Variants in MYH4 observed in about 807,000 individuals in gnomAD.
The protein encoded by MYH4 is myosin heavy chain 4.
In MYH4, 200 loss-of-function variants were observed where a neutral mutation model predicts 229.9. That is an observed-to-expected ratio of 0.87 (90% CI 0.78 to 0.98). The LOEUF is 0.98. Among genes scored for constraint, MYH4 ranks in the 50% least tolerant of loss-of-function variants. The pLI is 0.00. For synonymous variants in MYH4, 761 were observed against 834.6 expected, an observed-to-expected ratio of 0.91 and a Z score of 1.52; for missense variants, 2,148 against 2,332.6, an observed-to-expected ratio of 0.92 and a Z score of 1.63.
Position 10,463,563 on chromosome 17 carries a change from G to A in MYH4, c.729C>T (p.Asn243=), listed in dbSNP as rs1431150257. ...FGNAKTVRND[N]SSRFGKFIRI... ...TCAAGAGACTTACAAAGCGAGAGGA[G>A]TTGTCATTCCTCACGGTCTTGGCAT... Residue 243 remains asparagine (N), a synonymous_variant, in exon 8 of 40, where the codon AAC becomes AAT. Transcript: ENST00000255381. 1 of 1,612,246 alleles carries A rather than the reference G, an allele frequency of 6.2e-7. No homozygotes were observed. Among genetic ancestry groups the A allele is most frequent in the Non-Finnish European group, 8.5e-7 (1 of 1,178,386 alleles).
chr17:10,455,385 G>A, intron 19 of MYH4, 90 bp from the exon 20 acceptor site: 2 of 1,445,068 alleles, frequency 1.4e-6, no homozygotes, highest in Non-Finnish European at 1.9e-6. Flanking sequence ...AAAGATGATA[G>A]ATTAAGTTTT....
chr17:10,452,253 G>T lies in MYH4; in HGVS notation c.3426C>A (p.Asp1142Glu). 6.2e-7 allele frequency: 1 copy of T among 1,613,976 alleles called. No homozygotes were observed. The highest frequency in any genetic ancestry group is 8.5e-7 in the Non-Finnish European group (1 of 1,180,016). Residue 1142 changes from aspartate to glutamate, a missense_variant, in exon 27 of 40, where the codon GAC becomes GAA. By Grantham distance (45) the Asp-to-Glu change is conservative (BLOSUM62 2). Transcript: ENST00000255381. ...SRAKAEKQRS[D>E]LSRELEEISE... ...TGATCTCCTCCAGCTCCCGGGAGAG[G>T]TCAGAGCGCTGCTTCTCTGCTTTGG... is the stretch of plus-strand genomic sequence containing the variant.
At chr17:10,465,165 A>G (rs1326453189) in intron 5 of MYH4, among the ~76,000 whole-genome samples, 1 of 152,214 alleles carries the variant, frequency 6.6e-6, no homozygotes, top group Non-Finnish European at 1.5e-5. Flanking sequence ...ATTAATTTTG[A>G]GGTGGAACTA....
rs373674292 is a variant in MYH4 at position 10,455,292 on chromosome 17, G to A, written c.2178C>T (p.Tyr726=). 11 of 1,609,672 alleles carry A rather than the reference G, an allele frequency of 6.8e-6. No homozygotes were observed. Among genetic ancestry groups the A allele is most frequent in the African/African-American group, 2.7e-5 (2 of 74,672 alleles). ...RILYADFKQR[Y]KVLNASAIPE... ...GGATAGCACTCGCATTTAGAACCTTGTATCTGTCAGAATAAAAAGAATATA... is the reference window on the plus strand; with the variant it reads ...GGATAGCACTCGCATTTAGAACCTTATATCTGTCAGAATAAAAAGAATATA... Residue 726 remains tyrosine (Y), a synonymous_variant, in exon 20 of 40, where the codon TAC becomes TAT. Transcript: ENST00000255381.
rs762544070 is a variant in MYH4 at position 10,463,547 on chromosome 17, T to C, written c.741+4A>G. On this transcript the variant is annotated splice_donor_region_variant and intron_variant, in intron 8 of 39. Coordinates refer to ENST00000255381, the MANE Select transcript of MYH4 (RefSeq NM_017533.2). ...CTCAAGAAAATGAAGATCAAGAGAC[T>C]TACAAAGCGAGAGGAGTTGTCATTC... 1 of 1,610,372 alleles carries C rather than the reference T, an allele frequency of 6.2e-7. No homozygotes were observed. Among genetic ancestry groups the C allele is most frequent in the Non-Finnish European group, 8.5e-7 (1 of 1,176,592 alleles).
chr17:10,464,801 C>A, intron 5 of MYH4, 93 bp from the exon 6 acceptor site: 1 of 1,271,446 alleles, frequency 7.9e-7, no homozygotes, highest in Non-Finnish European at 1.1e-6. Flanking sequence ...TCTTTTAAAA[C>A]TCCCCATTTG....
chr17:10,457,864 A>T, intron 15 of MYH4, 135 bp from the exon 16 acceptor site: 3 of 1,229,246 alleles, frequency 2.4e-6, no homozygotes, highest in South Asian at 1.6e-5. Flanking sequence ...TGACATGTGA[A>T]GCAGTCATTA....
chr17:10,451,910 A>G (rs1567700434), intron 27 of MYH4, 31 bp downstream of exon 27: 1 of 1,555,116 alleles, frequency 6.4e-7, no homozygotes, highest in Non-Finnish European at 8.7e-7. Flanking sequence ...TGTTGCAAAT[A>G]AAGATGAAAA....
rs756400565 is a variant in MYH4 at position 10,463,428 on chromosome 17, A to G, written c.742-27T>C. The G allele has an allele frequency of 4.4e-6, 7 of 1,601,570 alleles. No individual in the cohort carries two copies. The African/African-American group carries it at 5.4e-5, about 12-fold the overall frequency. The stretch of plus-strand genomic sequence containing the variant: ...TTAAAAAAGAAAAGGAGGGATTATT[A>G]TACACATTAAAATCAGAAACTATTT... On this transcript the variant is annotated intron_variant, in intron 8 of 39. Coordinates refer to ENST00000255381, the MANE Select transcript of MYH4 (RefSeq NM_017533.2).
At position 10,448,046 on chromosome 17, in the gene MYH4, T is replaced by A; in HGVS notation, c.4737A>T (p.Lys1579Asn). Residue 1579 changes from lysine (K) to asparagine (N), a missense_variant, in exon 34 of 40, where the codon AAA (lysine) becomes AAT (asparagine). Physicochemically the swap from Lys to Asn is moderately conservative, Grantham distance 94. Transcript: ENST00000255381. ...LNQVKSEIDRKIAEKDEELDQ... is the reference protein window; with the variant it reads ...LNQVKSEIDRNIAEKDEELDQ... Reference sequence around the variant, plus strand: ...CGAGTTCTTCATCTTTTTCAGCAATTTTTCGGTCAATCTCAGATTTCACCT... The same window carrying A: ...CGAGTTCTTCATCTTTTTCAGCAATATTTCGGTCAATCTCAGATTTCACCT... The A allele has an allele frequency of 6.2e-7, 1 of 1,614,058 alleles. No individual in the cohort carries two copies. Among genetic ancestry groups the A allele is most frequent in the South Asian group, 1.1e-5 (1 of 91,072 alleles).
chr17:10,449,577 A>T (rs79156101), intron 30 of MYH4, among the ~76,000 whole-genome samples: 97 of 152,358 alleles, frequency 6.4e-4, no homozygotes, highest in African/African-American at 2.2e-3. Flanking sequence ...AGCATTGAGT[A>T]GTATCTTTAA....
At chr17:10,445,476 A>G in intron 35 of MYH4, 114 bp from the exon 36 acceptor site, 2 of 1,370,618 alleles carry the variant, frequency 1.5e-6, no homozygotes, top group Non-Finnish European at 2.0e-6. Context: ...TGTTTAGAAT[A>G]AAAACCAAAT....
chr17:10,468,805 G>T (rs901245229), intron 2 of MYH4, among the ~76,000 whole-genome samples: 1 of 152,208 alleles, frequency 6.6e-6, no homozygotes. Context: ...TGGGTGATAA[G>T]TGGCGGTACT....
chr17:10,464,467 C>A lies in MYH4; in HGVS notation c.648+5G>T. 6.2e-7 allele frequency: 1 copy of A among 1,609,006 alleles called. No homozygotes were observed. On this transcript the variant is annotated splice_donor_5th_base_variant and intron_variant, in intron 7 of 39. Transcript: ENST00000255381. ...ATTCTGTCCTTAGATGAATATCATG[C>A]CCACCTGCATTTTGCCAGAGGCAGG...
In MYH4 at chr17:10,452,018, G is replaced by C. The variant is rs374726225; in HGVS notation, c.3661C>G (p.Leu1221Val). Residue 1221 changes from leucine (L) to valine (V), a missense_variant, in exon 27 of 40, where the codon CTG becomes GTG. By Grantham distance (32) the Leu-to-Val change is conservative. Coordinates refer to ENST00000255381, the MANE Select transcript of MYH4 (RefSeq NM_017533.2). ...IDSLQRVKQK[L>V]EKEKSELKME... Reference sequence around the variant, plus strand: ...TTCAGCTCACTCTTTTCCTTCTCCAGCTTCTGCTTGACCCGCTGAAGGCTG... The same window carrying C: ...TTCAGCTCACTCTTTTCCTTCTCCACCTTCTGCTTGACCCGCTGAAGGCTG... 2.2e-5 allele frequency: 35 copies of C among 1,613,670 alleles called. No individual in the cohort carries two copies. Among genetic ancestry groups the C allele is most frequent in the Non-Finnish European group, 2.9e-5 (34 of 1,179,878 alleles).
At position 10,453,137 on chromosome 17, in the gene MYH4, C is replaced by T. The variant is rs1299195026; in HGVS notation, c.3111+15G>A. 55 of 1,613,902 alleles carry T rather than the reference C, an allele frequency of 3.4e-5. 1 individual carries two copies. The highest frequency in any genetic ancestry group is 6.8e-6 in the Non-Finnish European group (8 of 1,179,942). On this transcript the variant is annotated intron_variant, in intron 24 of 39. Coordinates refer to ENST00000255381, the MANE Select transcript of MYH4 (RefSeq NM_017533.2). ...ATTTCATTGCAAGGGGAAACATTTTCTTTTTCACACTTACATCGTCCACTT... is the reference window on the plus strand; with the variant it reads ...ATTTCATTGCAAGGGGAAACATTTTTTTTTTCACACTTACATCGTCCACTT...
chr17:10,447,197 T>C lies in MYH4; in HGVS notation c.4985A>G (p.Asp1662Gly). The C allele has an allele frequency of 1.2e-6, 2 of 1,614,126 alleles. No individual in the cohort carries two copies. Among genetic ancestry groups the C allele is most frequent in the Non-Finnish European group, 1.7e-6 (2 of 1,179,996 alleles). Reference sequence around the variant, plus strand: ...GTCATCTTGGCCTCTGATGGCATCATCCAAATGTAGCTGAGTGTCCTACAC... The same window carrying C: ...GTCATCTTGGCCTCTGATGGCATCACCCAAATGTAGCTGAGTGTCCTACAC... Reference protein sequence around the residue: ...GILKDTQLHLDDAIRGQDDLK... With the variant: ...GILKDTQLHLGDAIRGQDDLK... The change falls in exon 35 of 40, where the codon GAT becomes GGT. Residue 1662 changes from aspartate (D) to glycine (G), a missense_variant. Coordinates refer to ENST00000255381, the MANE Select transcript of MYH4 (RefSeq NM_017533.2).
intron 15 of MYH4, among the ~76,000 whole-genome samples, chr17:10,458,189 A>G (rs2072662708): frequency 6.6e-6 from 1 of 152,126 alleles, no homozygotes; most frequent in Non-Finnish European, 1.5e-5. Flanking sequence ...CTGTACTTTA[A>G]CCTATATTCT....
intron 4 of MYH4, among the ~76,000 whole-genome samples, 182 bp from the exon 5 acceptor site, chr17:10,465,780 T>C (rs965947357): frequency 7.1e-6 from 1 of 141,494 alleles, no homozygotes; most frequent in Non-Finnish European, 1.5e-5. Flanking sequence ...CTTTTTTTTT[T>C]TTTTTTTTTT....
Sources: allele counts gnomAD v4.1 joint callset (sites outside exome capture counted in the v4.1 genomes callset), GRCh38; gene constraint gnomAD v4.1.1; transcripts MANE v1.5; gene names NCBI Gene and HGNC (gene_info 2026-07-23, HGNC 2026-07-21).